The following FMN1 variants were observed in gnomAD, a reference collection of about 807,000 sequenced individuals.
FMN1 encodes the protein formin-1.
In FMN1, 110 loss-of-function variants were observed where a neutral mutation model predicts 132.4. That is an observed-to-expected ratio of 0.83 (90% CI 0.71 to 0.97). FMN1 has a LOEUF of 0.97. Among genes scored for constraint, FMN1 ranks in the 50% least tolerant of loss-of-function variants. The pLI is 0.00. For synonymous variants in FMN1, 722 were observed against 651.7 expected (o/e 1.11, Z -1.64); for missense variants, 1,792 against 1,705.3 (o/e 1.05, Z -0.90).
intron 15 of FMN1, among the ~76,000 whole-genome samples, chr15:32,891,819 T>C (rs2060037741): frequency 6.6e-6 from 1 of 152,164 alleles, no homozygotes; most frequent in Admixed American, 6.5e-5. Flanking sequence ...TTTGCAGCTA[T>C]TGTAAAAGAG....
intron 15 of FMN1, among the ~76,000 whole-genome samples, chr15:32,892,306 G>A (rs550187778): frequency 1.3e-5 from 2 of 152,220 alleles, no homozygotes; most frequent in Non-Finnish European, 2.9e-5. Flanking sequence ...TGCATCTATT[G>A]ATATGATCAT....
Position 32,769,772 on chromosome 15 carries a change from A to C in FMN1, c.*4538T>G, listed in dbSNP as rs1383337425. ...GTGTTGCAGATTTCTTTATGAGGTC[A>C]AAGTAGCAGACATGAATGAAAGTTC... is the stretch of plus-strand genomic sequence containing the variant. On this transcript the variant is annotated 3_prime_UTR_variant, in exon 21 of 21. Coordinates refer to ENST00000616417, the MANE Select transcript of FMN1 (RefSeq NM_001277313.2). 2.6e-5 allele frequency: 4 copies of C among 152,224 alleles called. No homozygotes were observed. Among genetic ancestry groups the C allele is most frequent in the Non-Finnish European group, 5.9e-5 (4 of 68,032 alleles). 9.4% of individuals were successfully genotyped at this position (152,224 alleles called of 1,614,324 possible). A position where few individuals can be genotyped will look rare whatever the true frequency, so the allele number is the denominator to read the frequency against.
At chr15:33,031,763 C>T (rs1048378176) in intron 6 of FMN1, among the ~76,000 whole-genome samples, 1 of 152,176 alleles carries the variant, frequency 6.6e-6, no homozygotes, top group Non-Finnish European at 1.5e-5. Flanking sequence ...TCACATATTC[C>T]CACTGACTGC....
intron 9 of FMN1, among the ~76,000 whole-genome samples, chr15:32,960,841 C>A (rs2030430770): frequency 6.6e-6 from 1 of 151,438 alleles, no homozygotes; most frequent in African/African-American, 2.4e-5. Context: ...ACTAAAAATA[C>A]AAAATTAGCC....
intron 4 of FMN1, among the ~76,000 whole-genome samples, chr15:33,091,449 G>A (rs1566907436): frequency 6.6e-6 from 1 of 152,188 alleles, no homozygotes; most frequent in African/African-American, 2.4e-5. Context: ...TAGTTTTAAA[G>A]AGTTAATTTC....
At chr15:32,879,408 A>C (rs1354391430) in intron 16 of FMN1, among the ~76,000 whole-genome samples, 1 of 152,210 alleles carries the variant, frequency 6.6e-6, no homozygotes, top group Admixed American at 6.5e-5. Context: ...TAAATTAGAC[A>C]TGGTCAATAA....
intron 17 of FMN1, among the ~76,000 whole-genome samples, chr15:32,806,867 C>T (rs1051981272): frequency 6.6e-6 from 1 of 152,200 alleles, no homozygotes; most frequent in African/African-American, 2.4e-5. Context: ...TCATCATCTT[C>T]CTACTACCCC....
At chr15:33,008,708 C>T (rs1384039192) in intron 6 of FMN1, among the ~76,000 whole-genome samples, 2 of 152,148 alleles carry the variant, frequency 1.3e-5, no homozygotes, top group African/African-American at 2.4e-5. Flanking sequence ...CCCAAGTGTA[C>T]GTAAGAACTC....
chr15:33,081,243 C>T (rs1016137911), intron 5 of FMN1, among the ~76,000 whole-genome samples: 2 of 152,154 alleles, frequency 1.3e-5, no homozygotes, highest in Non-Finnish European at 2.9e-5. Flanking sequence ...ACCTTGCTAA[C>T]TGGTTTGGCA....
chr15:33,006,920 G>A (rs28573134), intron 7 of FMN1, among the ~76,000 whole-genome samples: 22 of 152,116 alleles, frequency 1.4e-4, no homozygotes, highest in Non-Finnish European at 2.5e-4. Flanking sequence ...GGATTAGGGA[G>A]ATGTTGATGA....
intron 7 of FMN1, among the ~76,000 whole-genome samples, chr15:32,987,255 T>C (rs2140824856): frequency 6.6e-6 from 1 of 152,304 alleles, no homozygotes; most frequent in African/African-American, 2.4e-5. Flanking sequence ...ATGACCGCTG[T>C]AGCGTTTCAT....
At chr15:32,915,911 A>C (rs1379773340) in intron 10 of FMN1, among the ~76,000 whole-genome samples, 1 of 152,230 alleles carries the variant, frequency 6.6e-6, no homozygotes, top group Non-Finnish European at 1.5e-5. Context: ...AAAAGCTGGT[A>C]ATTTTATTAG....
chr15:33,116,133 GT>G (rs1265561035), intron 4 of FMN1, among the ~76,000 whole-genome samples: 1 of 152,146 alleles, frequency 6.6e-6, no homozygotes, highest in East Asian at 1.9e-4. Context: ...TAGTACTATG[GT>G]TTTCCTTAGC....
At chr15:32,811,217 G>A (rs925259685) in intron 17 of FMN1, 3 of 389,172 alleles carry the variant, frequency 7.7e-6, no homozygotes, top group Admixed American at 3.0e-5. Flanking sequence ...CATGGAGGAC[G>A]ATATCCTTGC....
chr15:32,798,917 T>C lies in FMN1; in HGVS notation c.4017A>G (p.Pro1339=), dbSNP rs1226921455. The change falls in exon 19 of 21, where the codon CCA becomes CCG. Residue 1339 remains proline, a synonymous_variant. Coordinates refer to ENST00000616417, the MANE Select transcript of FMN1 (RefSeq NM_001277313.2). ...ETTVRYFGMK[P]KSGEKEITPS... ...GTGTGATCTCCTTCTCACCAGACTT[T>C]GGCTTCATCCCAAAATATCGTACTG... is the stretch of plus-strand genomic sequence containing the variant. The C allele has an allele frequency of 6.2e-7, 1 of 1,613,658 alleles. No individual in the cohort carries two copies. Among genetic ancestry groups the C allele is most frequent in the African/African-American group, 1.3e-5 (1 of 74,900 alleles).
At chr15:33,017,966 G>C (rs1440454122) in intron 6 of FMN1, among the ~76,000 whole-genome samples, 1 of 152,014 alleles carries the variant, frequency 6.6e-6, no homozygotes, top group African/African-American at 2.4e-5. Context: ...TCGGGGGGCA[G>C]AGGTAGGAGA....
intron 16 of FMN1, among the ~76,000 whole-genome samples, chr15:32,866,766 T>G (rs1048899752): frequency 6.6e-6 from 1 of 152,208 alleles, no homozygotes; most frequent in South Asian, 2.1e-4. Context: ...CTGTGGGCAG[T>G]GTCCTCATTT....
In FMN1 at chr15:32,768,741, T is replaced by G. The variant is rs1180628751; in HGVS notation, c.*5569A>C. On this transcript the variant is annotated 3_prime_UTR_variant, in exon 21 of 21. Coordinates refer to ENST00000616417, the MANE Select transcript of FMN1 (RefSeq NM_001277313.2). ...CCCACAAGTGTAGTTGGATCAGCCTTTAGAAAAGGAGACTAGAGATTCTCA... is the reference window on the plus strand; with the variant it reads ...CCCACAAGTGTAGTTGGATCAGCCTGTAGAAAAGGAGACTAGAGATTCTCA... 6.6e-6 allele frequency: 1 copy of G among 151,988 alleles called. No homozygotes were observed. The highest frequency in any genetic ancestry group is 3.2e-3 in the Middle Eastern group (1 of 316). The allele number at this position is 151,988 out of a possible 1,614,324, so 9.4% of individuals were successfully genotyped here. A position where few individuals can be genotyped will look rare whatever the true frequency, so the allele number is the denominator to read the frequency against.
intron 9 of FMN1, among the ~76,000 whole-genome samples, chr15:32,958,215 A>G (rs1167191709): frequency 6.6e-6 from 1 of 152,214 alleles, no homozygotes; most frequent in Admixed American, 6.5e-5. Flanking sequence ...TTGGATATGC[A>G]GAAGTGTGGC....
Sources: gnomAD v4.1 joint callset for allele counts (sites outside exome capture counted in the v4.1 genomes callset) on GRCh38, gnomAD v4.1.1 for gene constraint, MANE v1.5 for transcripts, NCBI Gene and HGNC (gene_info 2026-07-23, HGNC 2026-07-21) for gene names.